The following GFRA1 variants were observed in gnomAD, a reference collection of about 807,000 sequenced individuals.
The protein encoded by GFRA1 is GDNF family receptor alpha 1.
Under a neutral mutation model 51.6 loss-of-function variants are expected in GFRA1, and 16 were observed. That is an observed-to-expected ratio of 0.31 (90% CI 0.21 to 0.47). The LOEUF (loss-of-function observed/expected upper bound fraction) is 0.47, where lower values mean the gene tolerates loss of function less well. Among genes scored for constraint, GFRA1 ranks in the 20% least tolerant of loss-of-function variants. The pLI, the probability that GFRA1 is intolerant of heterozygous loss-of-function variation, is 1.00. For synonymous variants in GFRA1, 270 were observed against 241.3 expected (o/e 1.12, Z -1.10); for missense variants, 530 against 594.3 (o/e 0.89, Z 1.13).
chr10:116,261,751 CG>C (rs1280916126), intron 4 of GFRA1, among the ~76,000 whole-genome samples: 1 of 152,118 alleles, frequency 6.6e-6, no homozygotes, highest in Non-Finnish European at 1.5e-5. Flanking sequence ...ATTCAATATA[CG>C]GGCCCTTCAA....
At chr10:116,241,412 G>C (rs187456133) in intron 4 of GFRA1, among the ~76,000 whole-genome samples, 1 of 152,278 alleles carries the variant, frequency 6.6e-6, no homozygotes, top group African/African-American at 2.4e-5. Context: ...GTGCTGCTTC[G>C]TTCATCCTGA....
chr10:116,158,794 G>T (rs1181463187), intron 5 of GFRA1, among the ~76,000 whole-genome samples: 4 of 152,270 alleles, frequency 2.6e-5, no homozygotes, highest in Middle Eastern at 3.4e-3. Context: ...TACCAGAGGG[G>T]GTCATCCTGG....
chr10:116,234,892 T>G (rs948289675), intron 4 of GFRA1, among the ~76,000 whole-genome samples: 3 of 152,168 alleles, frequency 2.0e-5, no homozygotes, highest in Admixed American at 1.3e-4. Context: ...ATTCTCATGA[T>G]AGTGAGTGAG....
intron 9 of GFRA1, among the ~76,000 whole-genome samples, chr10:116,070,581 A>AATAG (rs1214869831): frequency 1.3e-5 from 2 of 152,200 alleles, no homozygotes; most frequent in Non-Finnish European, 2.9e-5. Flanking sequence ...ACTGTATTTT[A>AATAG]ATAGATAGAC....
chr10:116,126,130 G>A lies in GFRA1; in HGVS notation c.434-573C>T, dbSNP rs147166150. On this transcript the variant is annotated intron_variant, in intron 5 of 10. Coordinates refer to ENST00000355422, the MANE Select transcript of GFRA1 (RefSeq NM_005264.8). ...CGAAGCTGTATTTAAATTTTAGCTC[G>A]CAGGGCGTTGGAAGAAAACCAGGAT... 2.3e-3 allele frequency among the ~76,000 whole-genome samples: 346 copies of A among 152,296 alleles called. 3 individuals carry two copies. The highest frequency in any genetic ancestry group is 7.9e-3 in the African/African-American group (329 of 41,568).
chr10:116,122,799 G>T (rs986437937), intron 6 of GFRA1, among the ~76,000 whole-genome samples: 1 of 152,154 alleles, frequency 6.6e-6, no homozygotes, highest in African/African-American at 2.4e-5. Context: ...TTCAATAGAT[G>T]GAAGACTCAT....
chr10:116,109,510 A>G (rs1055462208), intron 6 of GFRA1, among the ~76,000 whole-genome samples: 8 of 152,208 alleles, frequency 5.3e-5, no homozygotes, highest in Non-Finnish European at 1.2e-4. Flanking sequence ...GTCCTGCGAC[A>G]CAGCTAGGAG....
intron 5 of GFRA1, among the ~76,000 whole-genome samples, chr10:116,136,696 A>G (rs989178033): frequency 1.3e-5 from 2 of 152,166 alleles, no homozygotes; most frequent in African/African-American, 4.8e-5. Flanking sequence ...ACTTGTCCCA[A>G]AGAGGCTGCC....
chr10:116,218,829 C>T (rs1326471795), intron 4 of GFRA1, among the ~76,000 whole-genome samples: 1 of 152,142 alleles, frequency 6.6e-6, no homozygotes, highest in East Asian at 1.9e-4. Context: ...TCTCACTCTG[C>T]CTTTTCTTCT....
chr10:116,082,249 G>GGTAA (rs1221573853), intron 9 of GFRA1, among the ~76,000 whole-genome samples: 1 of 152,136 alleles, frequency 6.6e-6, no homozygotes, highest in Non-Finnish European at 1.5e-5. Flanking sequence ...CCAAGAGGCA[G>GGTAA]GTAAGTCAGA....
chr10:116,149,458 G>A (rs1958972992), intron 5 of GFRA1, among the ~76,000 whole-genome samples: 2 of 152,152 alleles, frequency 1.3e-5, no homozygotes, highest in African/African-American at 4.8e-5. Context: ...ATAGCTGAAG[G>A]GGTGTTAAGC....
chr10:116,073,013 C>A (rs908484206), intron 9 of GFRA1, among the ~76,000 whole-genome samples: 1 of 152,174 alleles, frequency 6.6e-6, no homozygotes, highest in Non-Finnish European at 1.5e-5. Flanking sequence ...CAAAACCTCA[C>A]GCTAATTGGG....
At chr10:116,256,840 A>C (rs561986837) in intron 4 of GFRA1, among the ~76,000 whole-genome samples, 2 of 152,230 alleles carry the variant, frequency 1.3e-5, no homozygotes, top group Non-Finnish European at 2.9e-5. Flanking sequence ...CAAGTCCTCC[A>C]AATGGGTGCT....
intron 5 of GFRA1, among the ~76,000 whole-genome samples, chr10:116,144,326 A>G (rs1018142295): frequency 2.0e-5 from 3 of 152,180 alleles, no homozygotes; most frequent in Admixed American, 6.5e-5. Flanking sequence ...CATAGTGTTT[A>G]CTAACATGCC....
intron 9 of GFRA1, among the ~76,000 whole-genome samples, chr10:116,086,241 CA>C (rs1239482073): frequency 6.6e-6 from 1 of 152,148 alleles, no homozygotes; most frequent in African/African-American, 2.4e-5. Context: ...AACCTCCCAC[CA>C]ATGTTCCCTA....
At chr10:116,248,794 A>C (rs750220249) in intron 4 of GFRA1, among the ~76,000 whole-genome samples, 1 of 152,200 alleles carries the variant, frequency 6.6e-6, no homozygotes, top group African/African-American at 2.4e-5. Context: ...GCATACCAGC[A>C]CTAATGCTCC....
chr10:116,239,846 T>A (rs1350295548), intron 4 of GFRA1, among the ~76,000 whole-genome samples: 3 of 152,152 alleles, frequency 2.0e-5, no homozygotes, highest in African/African-American at 7.2e-5. Flanking sequence ...TTTACCAAAA[T>A]TTTTGAGAGT....
chr10:116,134,918 T>TAA (rs879686614), intron 5 of GFRA1, among the ~76,000 whole-genome samples: 15 of 152,206 alleles, frequency 9.9e-5, no homozygotes, highest in Non-Finnish European at 1.8e-4. Flanking sequence ...GTCACATGCT[T>TAA]GCTGCTGCGC....
chr10:116,235,332 T>G (rs888341359), intron 4 of GFRA1, among the ~76,000 whole-genome samples: 1 of 152,208 alleles, frequency 6.6e-6, no homozygotes, highest in Admixed American at 6.5e-5. Context: ...CCTATGAGTT[T>G]CCTTTCACAG....
Sources: gnomAD v4.1 joint callset for allele counts (sites outside exome capture counted in the v4.1 genomes callset) on GRCh38, gnomAD v4.1.1 for gene constraint, MANE v1.5 for transcripts, NCBI Gene and HGNC (gene_info 2026-07-23, HGNC 2026-07-21) for gene names.